The following KIF26B variants were observed in gnomAD, a reference collection of about 807,000 sequenced individuals.
KIF26B encodes kinesin family member 26B.
A neutral mutation model predicts 151.2 loss-of-function variants in KIF26B; 63 were observed. That is an observed-to-expected ratio of 0.42 (90% CI 0.34 to 0.51). The LOEUF (loss-of-function observed/expected upper bound fraction) is 0.51, where lower values mean the gene tolerates loss of function less well. KIF26B is among the 20% of genes least tolerant of loss of function. The pLI, the probability that KIF26B is intolerant of heterozygous loss-of-function variation, is 0.07. For missense variants in KIF26B, 2,813 were observed against 2,913.6 expected (o/e 0.97, Z 0.79); for synonymous variants, 1,357 against 1,262.1 (o/e 1.08, Z -1.59).
At chr1:245,277,993 C>G (rs1171313288) in intron 2 of KIF26B, among the ~76,000 whole-genome samples, 1 of 151,756 alleles carries the variant, frequency 6.6e-6, no homozygotes, top group Non-Finnish European at 1.5e-5. Flanking sequence ...CATGGCAAAG[C>G]ATGGAGGGAA....
At chr1:245,184,050 G>GTTTTTTGTTTTGTTTTTTTTTTTTT (rs1553332272) in intron 2 of KIF26B, among the ~76,000 whole-genome samples, 1 of 19,804 alleles carries the variant, frequency 5.0e-5, no homozygotes, top group Non-Finnish European at 9.9e-5. Context: ...GGGAGTTGTT[G>GTTTTTTGTTTTGTTTTTTTTTTTTT]TTTTTTTTTT....
chr1:245,624,008 G>A (rs189495151), intron 9 of KIF26B, among the ~76,000 whole-genome samples: 1 of 152,252 alleles, frequency 6.6e-6, no homozygotes, highest in African/African-American at 2.4e-5. Context: ...CCCCCATGCT[G>A]TTCTCATCAT....
chr1:245,257,305 G>A (rs1444477156), intron 2 of KIF26B, among the ~76,000 whole-genome samples: 3 of 152,134 alleles, frequency 2.0e-5, no homozygotes, highest in African/African-American at 7.2e-5. Flanking sequence ...GCTATAGCCC[G>A]ACCACTTGGG....
At chr1:245,622,086 C>T (rs1262267711) in intron 9 of KIF26B, among the ~76,000 whole-genome samples, 2 of 140,786 alleles carry the variant, frequency 1.4e-5, no homozygotes, top group African/African-American at 4.9e-5. Flanking sequence ...CTTCTCCTGT[C>T]TATATAATTA....
chr1:245,195,882 C>A (rs1669183998), intron 2 of KIF26B, among the ~76,000 whole-genome samples: 1 of 152,170 alleles, frequency 6.6e-6, no homozygotes, highest in Admixed American at 6.5e-5. Context: ...GCAATCATTT[C>A]CTTAAAAGAG....
At chr1:245,198,679 G>T (rs987054003) in intron 2 of KIF26B, among the ~76,000 whole-genome samples, 1 of 150,974 alleles carries the variant, frequency 6.6e-6, no homozygotes, top group African/African-American at 2.4e-5. Context: ...CGAGATCGAG[G>T]TCGCACCATT....
In KIF26B at chr1:245,602,060, C is replaced by T. The variant is rs1426369956; in HGVS notation, c.1351-517C>T. On this transcript the variant is annotated intron_variant, in intron 5 of 14. Transcript: ENST00000407071. This position sits in a 1 kb window ranked among gnomAD's most constrained non-coding sequence, Gnocchi z 4.5. ...CACTGTTGCCCCTTGGAACACATTT[C>T]GAATGCTGGCCATTAAAAGCAGGCC... Among the ~76,000 whole-genome samples, 6 of 152,186 alleles carry T rather than the reference C, an allele frequency of 3.9e-5. No individual in the cohort carries two copies. The East Asian group carries it at 7.7e-4, about 20-fold the overall frequency.
chr1:245,208,258 G>A (rs1384713238), intron 2 of KIF26B, among the ~76,000 whole-genome samples: 1 of 152,174 alleles, frequency 6.6e-6, no homozygotes, highest in Admixed American at 6.5e-5. Context: ...TTTTATTAAT[G>A]AGGTGCTCCA....
chr1:245,683,285 A>C (rs931497849), intron 10 of KIF26B, among the ~76,000 whole-genome samples: 14 of 151,722 alleles, frequency 9.2e-5, no homozygotes, highest in African/African-American at 3.1e-4. Context: ...GCATGGAGAT[A>C]TGAGCACGCG....
chr1:245,370,916 G>A (rs980244806), intron 3 of KIF26B, among the ~76,000 whole-genome samples: 2 of 152,190 alleles, frequency 1.3e-5, no homozygotes, highest in African/African-American at 4.8e-5. Flanking sequence ...CCTTGGGCTG[G>A]AAACCCTGGT....
intron 10 of KIF26B, among the ~76,000 whole-genome samples, chr1:245,665,656 A>C (rs1310977391): frequency 6.6e-6 from 1 of 152,218 alleles, no homozygotes; most frequent in African/African-American, 2.4e-5. Flanking sequence ...AGGTACATCA[A>C]TTACAGGTAC....
intron 9 of KIF26B, among the ~76,000 whole-genome samples, chr1:245,640,122 G>GCTCGCTCTCGCTCTCTCTCTCTCT (rs1553299289): frequency 3.7e-5 from 2 of 53,974 alleles, no homozygotes; most frequent in Non-Finnish European, 7.1e-5. Context: ...ACTAATATTT[G>GCTCGCTCTCGCTCTCTCTCTCTCT]CTCTCTCTCT....
At position 245,241,746 on chromosome 1, in the gene KIF26B, G is replaced by T. The variant is rs942282938; in HGVS notation, c.465+85063G>T. On this transcript the variant is annotated intron_variant, in intron 2 of 14. Coordinates refer to ENST00000407071, the MANE Select transcript of KIF26B (RefSeq NM_018012.4). The surrounding 1 kb of genome is among the most constrained non-coding windows in gnomAD (Gnocchi z 5.0). ...CAGCTGGCTGCCCGCTCCCTCCTGT[G>T]GGCAGTGCTTCACAGCGGCAGCGGG... is the stretch of plus-strand genomic sequence containing the variant. Among the ~76,000 whole-genome samples, 4 of 152,214 alleles carry T rather than the reference G, an allele frequency of 2.6e-5. No homozygotes were observed. Among genetic ancestry groups the T allele is most frequent in the Non-Finnish European group, 5.9e-5 (4 of 68,034 alleles).
intron 4 of KIF26B, among the ~76,000 whole-genome samples, chr1:245,499,121 A>G (rs1051784314): frequency 2.3e-4 from 35 of 152,242 alleles, no homozygotes; most frequent in African/African-American, 8.4e-4. Flanking sequence ...CAGTGATGTC[A>G]AGCAGCTCAT....
intron 3 of KIF26B, among the ~76,000 whole-genome samples, chr1:245,403,630 C>CGT (rs1553271283): frequency 0.03 from 4,482 of 151,838 alleles, 93 homozygotes; most frequent in Non-Finnish European, 0.043. Context: ...TGTGTGTCCA[C>CGT]GTGTGTGTGT....
intron 3 of KIF26B, among the ~76,000 whole-genome samples, chr1:245,382,505 G>C (rs890907400): frequency 6.6e-6 from 1 of 151,766 alleles, no homozygotes; most frequent in African/African-American, 2.4e-5. Flanking sequence ...AATTGTTTTT[G>C]GTTCTGTACA....
At position 245,176,158 on chromosome 1, in the gene KIF26B, C is replaced by A. The variant is rs562081307; in HGVS notation, c.465+19475C>A. 1.2e-4 allele frequency among the ~76,000 whole-genome samples: 19 copies of A among 152,054 alleles called. No homozygotes were observed. The East Asian group carries it at 3.5e-3, about 28-fold the overall frequency. ...GGGATTACATGCATGAGTCACCACG[C>A]CCAGCTAATTTTGTATTTTTAGTAG... is the stretch of plus-strand genomic sequence containing the variant. On this transcript the variant is annotated intron_variant, in intron 2 of 14. Coordinates refer to ENST00000407071, the MANE Select transcript of KIF26B (RefSeq NM_018012.4).
chr1:245,378,158 CA>C (rs1673321218), intron 3 of KIF26B, among the ~76,000 whole-genome samples: 1 of 152,132 alleles, frequency 6.6e-6, no homozygotes, highest in Non-Finnish European at 1.5e-5. Context: ...CTCTACCGAT[CA>C]AGCTGATAAT....
intron 5 of KIF26B, among the ~76,000 whole-genome samples, chr1:245,574,864 CTTTTTTT>C (rs201010492): frequency 7.9e-6 from 1 of 126,252 alleles, no homozygotes; most frequent in African/African-American, 3.1e-5. Context: ...TTTTTTTTTT[CTTTTTTT>C]TTTTTTTTTT....
Sources: allele counts gnomAD v4.1 joint callset (sites outside exome capture counted in the v4.1 genomes callset), GRCh38; gene constraint gnomAD v4.1.1; non-coding constraint Gnocchi (gnomAD v3.1); transcripts MANE v1.5; gene names NCBI Gene and HGNC (gene_info 2026-07-23, HGNC 2026-07-21).